UVRAG: variants seen among roughly 807,000 people sequenced by gnomAD.
UVRAG encodes the protein UV radiation resistance associated.
In UVRAG, 19 loss-of-function variants were observed where a neutral mutation model predicts 78.0. The observed-to-expected ratio is 0.24, with a 90% CI of 0.17 to 0.36. The LOEUF (loss-of-function observed/expected upper bound fraction) is 0.36, where lower values mean the gene tolerates loss of function less well. Ranked by LOEUF, UVRAG falls within the 10% of genes least tolerant of loss-of-function variation. UVRAG has a pLI of 1.00. For missense variants in UVRAG, 740 were observed against 853.8 expected (o/e 0.87, Z 1.66); for synonymous variants, 323 against 324.6 (o/e 1.00, Z 0.05).
intron 1 of UVRAG, among the ~76,000 whole-genome samples, chr11:75,847,969 CAA>C (rs35386754): frequency 2.9e-4 from 20 of 69,746 alleles, no homozygotes; most frequent in Admixed American, 3.5e-4. Flanking sequence ...GACTGTGTCT[CAA>C]AAAAAAAAAA....
chr11:75,978,490 CA>C lies in UVRAG; in HGVS notation c.700-4896del, dbSNP rs377697855. Reference sequence around the variant, plus strand: ...TCCAACTTGGTTCCATCCTCCCCATCACTTTCAGGTACACCAATCAGACATA... The same window carrying C: ...TCCAACTTGGTTCCATCCTCCCCATCCTTTCAGGTACACCAATCAGACATA... On this transcript the variant is annotated intron_variant, in intron 7 of 14. Transcript: ENST00000356136. Among the ~76,000 whole-genome samples the C allele has an allele frequency of 6.7e-3, 1,015 of 152,360 alleles. 14 individuals carry two copies. Among genetic ancestry groups the C allele is most frequent in the African/African-American group, 0.023 (965 of 41,576 alleles).
intron 6 of UVRAG, among the ~76,000 whole-genome samples, chr11:75,917,698 T>C (rs1174797780): frequency 6.6e-6 from 1 of 152,188 alleles, no homozygotes; most frequent in Non-Finnish European, 1.5e-5. Flanking sequence ...CTCTTCCTTT[T>C]CTTTTCCCTG....
At chr11:75,828,774 T>TATATATATATATATATAC (rs1555069668) in intron 1 of UVRAG, among the ~76,000 whole-genome samples, 21 of 100,834 alleles carry the variant, frequency 2.1e-4, no homozygotes, top group South Asian at 5.7e-4. Context: ...TATATATATA[T>TATATATATATATATATAC]ACACACATAT....
intron 12 of UVRAG, among the ~76,000 whole-genome samples, chr11:76,043,414 G>A (rs916483151): frequency 2.6e-5 from 4 of 152,088 alleles, no homozygotes. Flanking sequence ...CTGTGTATAA[G>A]CTACTGTGAC....
intron 13 of UVRAG, among the ~76,000 whole-genome samples, chr11:76,113,864 G>T (rs1488174876): frequency 6.6e-6 from 1 of 151,952 alleles, no homozygotes; most frequent in East Asian, 1.9e-4. Flanking sequence ...AAAAAAAATA[G>T]TACTATGCAG....
intron 13 of UVRAG, among the ~76,000 whole-genome samples, chr11:76,099,735 A>G (rs1951846848): frequency 6.6e-6 from 1 of 152,108 alleles, no homozygotes; most frequent in Admixed American, 6.6e-5. Context: ...TCTGTTTAAA[A>G]TAGCACCACG....
intron 3 of UVRAG, among the ~76,000 whole-genome samples, chr11:75,871,280 C>A (rs61892924): frequency 6.8e-6 from 1 of 147,160 alleles, no homozygotes; most frequent in East Asian, 2.0e-4. Context: ...ATGGCATATG[C>A]CCTTTTTTTT....
chr11:75,904,396 C>G (rs1328198703), intron 5 of UVRAG, among the ~76,000 whole-genome samples: 1 of 152,168 alleles, frequency 6.6e-6, no homozygotes, highest in African/African-American at 2.4e-5. Flanking sequence ...TAACCAGATA[C>G]AAATGAGCCG....
At chr11:75,907,835 C>A (rs544045061) in intron 5 of UVRAG, among the ~76,000 whole-genome samples, 1 of 151,886 alleles carries the variant, frequency 6.6e-6, no homozygotes, top group Non-Finnish European at 1.5e-5. Flanking sequence ...TTTCATGTAT[C>A]GAAATTCCCT....
Position 76,143,139 on chromosome 11 carries a change from A to G in UVRAG, c.*1726A>G, listed in dbSNP as rs1052458021. On this transcript the variant is annotated 3_prime_UTR_variant, in exon 15 of 15. Coordinates refer to ENST00000356136, the MANE Select transcript of UVRAG (RefSeq NM_003369.4). Reference sequence around the variant, plus strand: ...AGTGTGGGTGGAGACAGCATCGTGGATATGCACGTGCTGCGGGGCCCTCCA... The same window carrying G: ...AGTGTGGGTGGAGACAGCATCGTGGGTATGCACGTGCTGCGGGGCCCTCCA... 1 of 152,184 alleles carries G rather than the reference A, an allele frequency of 6.6e-6. No homozygotes were observed. The highest frequency in any genetic ancestry group is 6.5e-5 in the Admixed American group (1 of 15,270). The allele number at this position is 152,184 out of a possible 1,614,324, so 9.4% of individuals were successfully genotyped here.
chr11:75,929,250 G>T (rs563381936), intron 6 of UVRAG, among the ~76,000 whole-genome samples: 1 of 152,170 alleles, frequency 6.6e-6, no homozygotes. Context: ...CAGTAATCAA[G>T]AAAAAGAATG....
Position 75,866,376 on chromosome 11 carries a change from T to TA in UVRAG, c.270+4599dup, listed in dbSNP as rs1555077122. Among the ~76,000 whole-genome samples, 538 of 150,334 alleles carry TA rather than the reference T, an allele frequency of 3.6e-3. 2 individuals carry two copies. Among genetic ancestry groups the TA allele is most frequent in the South Asian group, 0.023 (107 of 4,726 alleles). On this transcript the variant is annotated intron_variant, in intron 3 of 14. Transcript: ENST00000356136. ...TCTCTACAATAAATAAATAAATAAATAAATAAAATAAAATAAAATAATTAG... is the reference window on the plus strand; with the variant it reads ...TCTCTACAATAAATAAATAAATAAATAAAATAAAATAAAATAAAATAATTAG...
rs565402316 is a variant in UVRAG, at chr11:76,074,942, C to T, written c.1305+9154C>T. Among the ~76,000 whole-genome samples the T allele has an allele frequency of 5.3e-5, 8 of 152,264 alleles. No homozygotes were observed. In the South Asian group the frequency reaches 1.2e-3, roughly 24 times the overall value. Reference sequence around the variant, plus strand: ...TAGAAAGTAAAAATAGCTTCTCCATCCAAAACAGCTGGGAACCCCTGTTCT... The same window carrying T: ...TAGAAAGTAAAAATAGCTTCTCCATTCAAAACAGCTGGGAACCCCTGTTCT... On this transcript the variant is annotated intron_variant, in intron 13 of 14. Coordinates refer to ENST00000356136, the MANE Select transcript of UVRAG (RefSeq NM_003369.4).
chr11:75,856,688 C>T (rs566926188), intron 2 of UVRAG, among the ~76,000 whole-genome samples: 2 of 152,224 alleles, frequency 1.3e-5, no homozygotes, highest in African/African-American at 2.4e-5. Context: ...TCAAGCAATC[C>T]ACCTGCCTTG....
At chr11:76,059,123 CTT>C (rs1299943049) in intron 12 of UVRAG, among the ~76,000 whole-genome samples, 4 of 152,110 alleles carry the variant, frequency 2.6e-5, no homozygotes, top group South Asian at 4.1e-4. Context: ...AAAATAATAA[CTT>C]ATATTTGTGT....
At chr11:75,983,774 A>C (rs976786538) in intron 8 of UVRAG, 1 of 308,598 alleles carries the variant, frequency 3.2e-6, no homozygotes. Context: ...GCATGTTACC[A>C]TACTGAATAC....
chr11:76,128,087 G>A (rs556983286), intron 14 of UVRAG, among the ~76,000 whole-genome samples: 1 of 152,318 alleles, frequency 6.6e-6, no homozygotes, highest in Admixed American at 6.5e-5. Flanking sequence ...GCATTCATTA[G>A]CACTGGGGTC....
intron 5 of UVRAG, among the ~76,000 whole-genome samples, chr11:75,910,497 CT>C (rs903111573): frequency 6.7e-4 from 93 of 138,048 alleles, no homozygotes; most frequent in African/African-American, 9.5e-4. Context: ...CCACCCCCCA[CT>C]TTTTTTTTTT....
At chr11:75,837,492 G>A (rs1945811667) in intron 1 of UVRAG, 1 of 152,030 alleles carries the variant, frequency 6.6e-6, no homozygotes, top group Non-Finnish European at 1.5e-5. Flanking sequence ...TTGTTACGCT[G>A]TATTGAGTTT....
Sources: gnomAD v4.1 joint callset for allele counts (sites outside exome capture counted in the v4.1 genomes callset) on GRCh38, gnomAD v4.1.1 for gene constraint, MANE v1.5 for transcripts, NCBI Gene and HGNC (gene_info 2026-07-23, HGNC 2026-07-21) for gene names.